RHOH: variants seen among roughly 807,000 people sequenced by gnomAD.
RHOH encodes the protein rho-related GTP-binding protein RhoH.
A neutral mutation model predicts 13.8 loss-of-function variants in RHOH; 6 were observed. That is an observed-to-expected ratio of 0.44 (90% CI 0.24 to 0.86). The LOEUF is 0.86. RHOH is among the 40% of genes least tolerant of loss of function. RHOH has a pLI of 0.24. For missense variants in RHOH, 147 were observed against 244.5 expected, an observed-to-expected ratio of 0.60 and a Z score of 2.66; for synonymous variants, 117 against 103.0, an observed-to-expected ratio of 1.14 and a Z score of -0.82.
At chr4:40,231,117 G>C (rs1003469811) in intron 1 of RHOH, among the ~76,000 whole-genome samples, 1 of 152,102 alleles carries the variant, frequency 6.6e-6, no homozygotes, top group Non-Finnish European at 1.5e-5. Flanking sequence ...ACAAGCCAGT[G>C]GGCACCACTC....
At chr4:40,237,896 G>A (rs1460204728) in intron 1 of RHOH, among the ~76,000 whole-genome samples, 2 of 152,194 alleles carry the variant, frequency 1.3e-5, no homozygotes, top group African/African-American at 4.8e-5. Flanking sequence ...GTTAATAATA[G>A]TCATAATTTC....
At chr4:40,195,361 C>CCTTCCTTCCTTT (rs1723017717), upstream of RHOH, among the ~76,000 whole-genome samples, 1 of 70,340 alleles carries the variant, frequency 1.4e-5, no homozygotes, top group African/African-American at 6.1e-5. Context: ...TCTTTTCCTT[C>CCTTCCTTCCTTT]CTTCCTTCCT....
At chr4:40,232,063 T>C (rs1258336873) in intron 1 of RHOH, among the ~76,000 whole-genome samples, 1 of 152,224 alleles carries the variant, frequency 6.6e-6, no homozygotes, top group South Asian at 2.1e-4. Flanking sequence ...TATTTGTTCC[T>C]CCCTCAGATC....
chr4:40,230,583 TCTCTACTAAA>T (rs1441425852), intron 1 of RHOH, among the ~76,000 whole-genome samples: 3 of 149,856 alleles, frequency 2.0e-5, no homozygotes, highest in Non-Finnish European at 1.5e-5. Context: ...CAAAACCCCA[TCTCTACTAAA>T]AGTGATCCAC....
chr4:40,243,130 CAAGA>C lies in RHOH; in HGVS notation c.-209-35_-209-32del, dbSNP rs1229227722. 19 of 403,328 alleles carry C rather than the reference CAAGA, an allele frequency of 4.7e-5. No individual in the cohort carries two copies. Among genetic ancestry groups the C allele is most frequent in the Non-Finnish European group, 6.6e-5 (15 of 225,960 alleles). The allele number at this position is 403,328 out of a possible 1,614,324, so 25.0% of individuals were successfully genotyped here. A position where few individuals can be genotyped will look rare whatever the true frequency, so the allele number is the denominator to read the frequency against. The stretch of plus-strand genomic sequence containing the variant: ...GGAAGCCCCTTATCTTCAAAAAAGG[CAAGA>C]AAGAAAGAAAGACTTCATTTTCCCC... On this transcript the variant is annotated intron_variant, in intron 2 of 2. Coordinates refer to ENST00000381799, the MANE Select transcript of RHOH (RefSeq NM_004310.5). The surrounding 1 kb of genome is among the most constrained non-coding windows in gnomAD (Gnocchi z 6.2).
chr4:40,211,249 C>G (rs1245204575), intron 1 of RHOH, among the ~76,000 whole-genome samples: 2 of 151,994 alleles, frequency 1.3e-5, no homozygotes, highest in African/African-American at 4.8e-5. Flanking sequence ...TACTTTATTT[C>G]TATTTTTTTT....
In RHOH at chr4:40,212,494, A is replaced by T. The variant is rs1476748382; in HGVS notation, c.-331+15194A>T. Among the ~76,000 whole-genome samples the T allele has an allele frequency of 2.0e-5, 3 of 152,188 alleles. No homozygotes were observed. In the East Asian group the frequency reaches 5.8e-4, roughly 29 times the overall value. ...AGCTGGGAATGGGCGAGAGAATAGG[A>T]TTAATGCCCAGGAAGATATATCTTC... On this transcript the variant is annotated intron_variant, in intron 1 of 2. Transcript: ENST00000381799.
At chr4:40,240,813 T>C (rs7656219) in intron 1 of RHOH, among the ~76,000 whole-genome samples, 40,659 of 151,026 alleles carry the variant, frequency 0.27, 8,312 homozygotes, top group African/African-American at 0.57. Flanking sequence ...TAAATAAATG[T>C]CCGAAGCATG....
intron 1 of RHOH, among the ~76,000 whole-genome samples, chr4:40,237,128 G>A (rs530056846): frequency 6.6e-6 from 1 of 152,262 alleles, no homozygotes; most frequent in East Asian, 1.9e-4. Flanking sequence ...AGTTGCTTAA[G>A]GTTTTTGGAA....
chr4:40,215,347 C>T (rs7654911), intron 1 of RHOH, among the ~76,000 whole-genome samples: 108,513 of 152,088 alleles, frequency 0.71, 40,465 homozygotes, highest in Non-Finnish European at 0.84. Flanking sequence ...GTGGGCTCTT[C>T]ATTGCCATAG....
intron 1 of RHOH, among the ~76,000 whole-genome samples, chr4:40,240,656 A>G (rs1027063418): frequency 1.3e-5 from 2 of 152,158 alleles, no homozygotes; most frequent in Non-Finnish European, 2.9e-5. Context: ...GCATGCCTGT[A>G]GTCCCAGCTG....
chr4:40,219,839 G>C (rs192817961), intron 1 of RHOH, among the ~76,000 whole-genome samples: 14 of 152,246 alleles, frequency 9.2e-5, no homozygotes, highest in Non-Finnish European at 1.8e-4. Flanking sequence ...CAGCAATGTT[G>C]CATAGTCTGG....
At chr4:40,242,945 T>TTGTGTGTGTG (rs58807335) in intron 2 of RHOH, 111 bp downstream of exon 2, 7 of 143,290 alleles carry the variant, frequency 4.9e-5, no homozygotes, top group African/African-American at 1.9e-4. Flanking sequence ...CGGGAGGCAT[T>TTGTGTGTGTG]TGTGTGTGTG....
At chr4:40,206,275 A>G (rs578209959) in intron 1 of RHOH, among the ~76,000 whole-genome samples, 5 of 152,286 alleles carry the variant, frequency 3.3e-5, no homozygotes, top group South Asian at 2.1e-4. Context: ...GAGAGACTCT[A>G]AATATACAAC....
At chr4:40,236,418 C>A (rs1728575116) in intron 1 of RHOH, among the ~76,000 whole-genome samples, 1 of 152,136 alleles carries the variant, frequency 6.6e-6, no homozygotes, top group Non-Finnish European at 1.5e-5. Context: ...AATGTAAAAT[C>A]AAGTCACAAA....
chr4:40,191,585 A>G (rs1722712559), upstream of RHOH, among the ~76,000 whole-genome samples: 1 of 152,226 alleles, frequency 6.6e-6, no homozygotes, highest in African/African-American at 2.4e-5. Flanking sequence ...AAGTTGTATC[A>G]TAACTTTAGA....
At chr4:40,235,736 G>A (rs1728492826) in intron 1 of RHOH, among the ~76,000 whole-genome samples, 1 of 151,986 alleles carries the variant, frequency 6.6e-6, no homozygotes, top group Non-Finnish European at 1.5e-5. Flanking sequence ...CACTTTGGGA[G>A]GCTGAGGCAA....
At chr4:40,225,589 C>T (rs941851306) in intron 1 of RHOH, among the ~76,000 whole-genome samples, 3 of 152,106 alleles carry the variant, frequency 2.0e-5, no homozygotes, top group East Asian at 1.9e-4. Context: ...TGTTCAAGTG[C>T]GCTCTGCAAA....
chr4:40,198,239 C>T (rs944980276), intron 1 of RHOH, among the ~76,000 whole-genome samples: 3 of 152,028 alleles, frequency 2.0e-5, no homozygotes, highest in Admixed American at 1.3e-4. Flanking sequence ...TGCGAAGTGT[C>T]GGTAGAAGGA....
Sources: gnomAD v4.1 joint callset for allele counts (sites outside exome capture counted in the v4.1 genomes callset) on GRCh38, gnomAD v4.1.1 for gene constraint, Gnocchi (gnomAD v3.1) non-coding constraint, MANE v1.5 for transcripts, NCBI Gene and HGNC (gene_info 2026-07-23, HGNC 2026-07-21) for gene names.